Variants in TPO observed in about 807,000 individuals in gnomAD.
The protein encoded by TPO is thyroid peroxidase, also known as thyroid microsomal antigen.
In TPO, 78 loss-of-function variants were observed where a neutral mutation model predicts 96.9. The observed-to-expected ratio is 0.81, with a 90% CI of 0.67 to 0.97. The LOEUF is 0.97. Ranked by LOEUF, TPO falls within the 50% of genes least tolerant of loss-of-function variation. The pLI, the probability that TPO is intolerant of heterozygous loss-of-function variation, is 0.00. For synonymous variants in TPO, 547 were observed against 538.0 expected (o/e 1.02, Z -0.23); for missense variants, 1,252 against 1,274.8 (o/e 0.98, Z 0.27).
At chr2:1,480,820 A>ACCTTCCTCCTGCTGCATC (rs1558339107) in intron 8 of TPO, among the ~76,000 whole-genome samples, 1 of 151,852 alleles carries the variant, frequency 6.6e-6, no homozygotes, top group Non-Finnish European at 1.5e-5. Context: ...CGTCCACACC[A>ACCTTCCTCCTGCTGCATC]CGTCCCTGCT....
intron 5 of TPO, among the ~76,000 whole-genome samples, chr2:1,451,004 A>T (rs1240531052): frequency 1.3e-5 from 2 of 152,208 alleles, no homozygotes; most frequent in Non-Finnish European, 1.5e-5. Context: ...TTAATAACAG[A>T]ATTATTCTCC....
chr2:1,389,140 AG>A (rs1661956470), intron 1 of TPO, among the ~76,000 whole-genome samples: 1 of 152,140 alleles, frequency 6.6e-6, no homozygotes, highest in African/African-American at 2.4e-5. Context: ...CAGGAGGGGC[AG>A]GGCCTGGCTC....
intron 14 of TPO, among the ~76,000 whole-genome samples, chr2:1,507,322 C>T (rs1032856788): frequency 1.7e-4 from 26 of 152,142 alleles, no homozygotes; most frequent in African/African-American, 6.0e-4. Context: ...TAGTGTGGTG[C>T]CTCCCACTTT....
At chr2:1,518,724 A>G (rs747752969) in intron 15 of TPO, among the ~76,000 whole-genome samples, 4 of 152,250 alleles carry the variant, frequency 2.6e-5, no homozygotes, top group Non-Finnish European at 4.4e-5. Flanking sequence ...GGTGATAGTA[A>G]TGGCTAAAGC....
At chr2:1,400,089 T>C (rs1662144345) in intron 1 of TPO, among the ~76,000 whole-genome samples, 1 of 152,204 alleles carries the variant, frequency 6.6e-6, no homozygotes, top group Non-Finnish European at 1.5e-5. Flanking sequence ...TTTTCTGCAG[T>C]AGCTTCTTGC....
chr2:1,385,486 T>G (rs879695325), intron 1 of TPO, among the ~76,000 whole-genome samples: 20 of 152,172 alleles, frequency 1.3e-4, no homozygotes, highest in Non-Finnish European at 2.5e-4. Flanking sequence ...GATTTTCTAG[T>G]TTATTTGTGT....
At chr2:1,380,955 T>C (rs892927308) in intron 1 of TPO, among the ~76,000 whole-genome samples, 3 of 151,726 alleles carry the variant, frequency 2.0e-5, no homozygotes, top group African/African-American at 7.3e-5. Context: ...GAAAACAAAG[T>C]GAGAGGAGGT....
chr2:1,538,657 T>G (rs1212771918), intron 15 of TPO, among the ~76,000 whole-genome samples: 1 of 152,222 alleles, frequency 6.6e-6, no homozygotes, highest in Non-Finnish European at 1.5e-5. Flanking sequence ...AAGACATGGT[T>G]GCTTCAGGTG....
chr2:1,379,811 A>G (rs1038325379), intron 1 of TPO, among the ~76,000 whole-genome samples: 7 of 152,218 alleles, frequency 4.6e-5, no homozygotes, highest in Admixed American at 4.6e-4. Flanking sequence ...TCTTAACTCA[A>G]CCTAAAGAAA....
At chr2:1,460,147 G>A (rs1460312755) in intron 7 of TPO, among the ~76,000 whole-genome samples, 1 of 151,992 alleles carries the variant, frequency 6.6e-6, no homozygotes, top group Non-Finnish European at 1.5e-5. Context: ...TGTTGGCCAG[G>A]CTGGTCTCAA....
chr2:1,468,033 C>T, intron 7 of TPO, among the ~76,000 whole-genome samples: 1 of 151,618 alleles, frequency 6.6e-6, no homozygotes, highest in Non-Finnish European at 1.5e-5. Flanking sequence ...TGTCCATTTG[C>T]ATGGAATGCC....
intron 5 of TPO, among the ~76,000 whole-genome samples, chr2:1,453,457 T>C (rs539808452): frequency 6.6e-6 from 1 of 152,006 alleles, no homozygotes; most frequent in Non-Finnish European, 1.5e-5. Flanking sequence ...CCAGACAGCA[T>C]GTGCTGAGCT....
rs1260651462 is a variant in TPO at position 1,461,921 on chromosome 2, G to A, written c.819+5639G>A. 2.0e-5 allele frequency among the ~76,000 whole-genome samples: 3 copies of A among 152,292 alleles called. No homozygotes were observed. In the East Asian group the frequency reaches 5.8e-4, roughly 29 times the overall value. ...CCGTGGAGACCCCCGCAGAGGTTCC[G>A]GGGGGTCCGGGCACTGGCTCCTTCG... On this transcript the variant is annotated intron_variant, in intron 7 of 16. Coordinates refer to ENST00000329066, the MANE Select transcript of TPO (RefSeq NM_001206744.2).
rs181382147 is a variant in TPO, at chr2:1,394,020, A to G, written n.180+19618A>G. 7.2e-4 allele frequency among the ~76,000 whole-genome samples: 109 copies of G among 152,326 alleles called. 1 individual carries two copies. The highest frequency in any genetic ancestry group is 2.5e-3 in the African/African-American group (105 of 41,582). ...ACCTTTCAAATACCACTTTCAACTT[A>G]AGCCACCTATCTCCTCCATGTGACA... On this transcript the variant is annotated intron_variant and non_coding_transcript_variant, in intron 1 of 5. Transcript: ENST00000497517.
chr2:1,450,549 G>A (rs1386504989), intron 5 of TPO, among the ~76,000 whole-genome samples: 4 of 152,170 alleles, frequency 2.6e-5, no homozygotes, highest in African/African-American at 9.7e-5. Context: ...GAACAGTGTG[G>A]TACAATAGAT....
intron 14 of TPO, among the ~76,000 whole-genome samples, chr2:1,507,033 C>A (rs1458519426): frequency 1.3e-5 from 2 of 152,052 alleles, no homozygotes; most frequent in Non-Finnish European, 1.5e-5. Context: ...ACATGTAAGT[C>A]TTTAATCCAT....
chr2:1,504,292 A>G (rs1033158124), intron 14 of TPO, among the ~76,000 whole-genome samples: 68 of 152,174 alleles, frequency 4.5e-4, no homozygotes, highest in Admixed American at 3.5e-3. Flanking sequence ...GAGACCCTCG[A>G]AGCACACTGA....
intron 1 of TPO, among the ~76,000 whole-genome samples, chr2:1,388,724 C>CCCAGGACATG (rs2148354451): frequency 6.6e-6 from 1 of 152,232 alleles, no homozygotes; most frequent in East Asian, 1.9e-4. Flanking sequence ...TGTCCTGCAC[C>CCCAGGACATG]CACTGTCTGA....
intron 15 of TPO, among the ~76,000 whole-genome samples, chr2:1,537,533 C>T (rs1441469077): frequency 1.3e-5 from 1 of 77,536 alleles, no homozygotes; most frequent in Non-Finnish European, 2.5e-5. Flanking sequence ...CTCCGCCTAT[C>T]CCCCCCAGTG....
Sources: gnomAD v4.1 joint callset for allele counts (sites outside exome capture counted in the v4.1 genomes callset) on GRCh38, gnomAD v4.1.1 for gene constraint, MANE v1.5 for transcripts, NCBI Gene and HGNC (gene_info 2026-07-23, HGNC 2026-07-21) for gene names.